Variants in PCDH9 observed in about 807,000 individuals in gnomAD.
PCDH9 encodes the protein protocadherin-9.
A neutral mutation model predicts 70.6 loss-of-function variants in PCDH9; 24 were observed. The ratio of observed to expected loss-of-function variants is 0.34; its 90% CI spans 0.25 to 0.48. PCDH9 has a LOEUF of 0.48. PCDH9 is among the 20% of genes least tolerant of loss of function. PCDH9 has a pLI of 0.99. For missense variants in PCDH9, 1,281 were observed against 1,503.6 expected, an observed-to-expected ratio of 0.85 and a Z score of 2.45; for synonymous variants, 562 against 558.5, an observed-to-expected ratio of 1.01 and a Z score of -0.09.
chr13:66,693,538 T>C (rs2078517518), intron 3 of PCDH9, among the ~76,000 whole-genome samples: 1 of 152,166 alleles, frequency 6.6e-6, no homozygotes, highest in Non-Finnish European at 1.5e-5. Context: ...TTTTTAAAAA[T>C]TAAAATGCCA....
chr13:67,172,770 C>A (rs908194561), intron 2 of PCDH9, among the ~76,000 whole-genome samples: 2 of 149,436 alleles, frequency 1.3e-5, no homozygotes, highest in Admixed American at 6.8e-5. Flanking sequence ...CCCAGCTACT[C>A]GAGGGGCTGA....
intron 4 of PCDH9, among the ~76,000 whole-genome samples, chr13:66,609,878 A>G (rs1034265810): frequency 1.3e-5 from 2 of 151,772 alleles, no homozygotes; most frequent in African/African-American, 4.8e-5. Context: ...ATCAACTCAA[A>G]TTTGATTAGA....
intron 3 of PCDH9, among the ~76,000 whole-genome samples, chr13:66,688,897 A>T (rs2078443084): frequency 6.6e-6 from 1 of 152,180 alleles, no homozygotes; most frequent in Admixed American, 6.6e-5. Context: ...ATATGAAATC[A>T]TTAATGTGCT....
chr13:66,537,482 C>T (rs1960758126), intron 4 of PCDH9, among the ~76,000 whole-genome samples: 1 of 151,964 alleles, frequency 6.6e-6, no homozygotes, highest in Non-Finnish European at 1.5e-5. Context: ...AGAAAACCTC[C>T]ACAAAATGAA....
intron 2 of PCDH9, among the ~76,000 whole-genome samples, chr13:66,919,370 A>C (rs2139639446): frequency 6.6e-6 from 1 of 151,394 alleles, no homozygotes; most frequent in African/African-American, 2.4e-5. Flanking sequence ...TCCCCTTGGC[A>C]TCTGAAGCAA....
At chr13:67,052,340 A>C (rs545446848) in intron 2 of PCDH9, among the ~76,000 whole-genome samples, 1 of 152,190 alleles carries the variant, frequency 6.6e-6, no homozygotes, top group South Asian at 2.1e-4. Flanking sequence ...GATTTCAGGC[A>C]GTGGAAAAGT....
intron 4 of PCDH9, among the ~76,000 whole-genome samples, chr13:66,574,239 G>C (rs147597771): frequency 6.6e-6 from 1 of 152,120 alleles, no homozygotes; most frequent in Non-Finnish European, 1.5e-5. Flanking sequence ...TTGTTCTCTG[G>C]TCAATTTATT....
Position 66,464,312 on chromosome 13 carries a change from T to C in PCDH9, c.3341-159284A>G, listed in dbSNP as rs560622593. Among the ~76,000 whole-genome samples the C allele has an allele frequency of 3.9e-4, 59 of 151,860 alleles. 1 individual carries two copies. The highest frequency in any genetic ancestry group is 1.4e-3 in the African/African-American group (59 of 41,490). ...CCCCTCTCAGTGTAACCGGAATGTCTATCAAAACCAGAAAACGGAAGGCTT... is the reference window on the plus strand; with the variant it reads ...CCCCTCTCAGTGTAACCGGAATGTCCATCAAAACCAGAAAACGGAAGGCTT... On this transcript the variant is annotated intron_variant, in intron 4 of 4. Transcript: ENST00000377865.
At chr13:66,508,747 T>A (rs1235272294) in intron 4 of PCDH9, among the ~76,000 whole-genome samples, 1 of 152,212 alleles carries the variant, frequency 6.6e-6, no homozygotes, top group Non-Finnish European at 1.5e-5. Context: ...TTGCACAGTA[T>A]GACAGGCTGA....
chr13:66,639,413 C>T (rs1387121503), intron 3 of PCDH9, among the ~76,000 whole-genome samples: 3 of 152,076 alleles, frequency 2.0e-5, no homozygotes, highest in Non-Finnish European at 4.4e-5. Flanking sequence ...GCATCAAATA[C>T]CTCTTAGGAC....
At chr13:66,881,796 A>T (rs2081925670) in intron 3 of PCDH9, among the ~76,000 whole-genome samples, 1 of 152,182 alleles carries the variant, frequency 6.6e-6, no homozygotes, top group Admixed American at 6.5e-5. Flanking sequence ...TAACCATAGA[A>T]ATGGGACAAA....
In PCDH9 at chr13:67,148,507, T is replaced by A. The variant is rs796772318; in HGVS notation, c.3036+76898A>T. On this transcript the variant is annotated intron_variant, in intron 2 of 4. Transcript: ENST00000377865. ...TTCTTGTTATATGCAATAACCAGCA[T>A]TTGGTTAGAACACCCGTGCAAGTTT... 2.0e-5 allele frequency among the ~76,000 whole-genome samples: 3 copies of A among 152,236 alleles called. No individual in the cohort carries two copies. In the East Asian group the frequency reaches 5.8e-4, roughly 29 times the overall value.
intron 3 of PCDH9, among the ~76,000 whole-genome samples, chr13:66,809,481 A>G (rs1044877987): frequency 4.6e-5 from 7 of 152,326 alleles, no homozygotes; most frequent in Admixed American, 4.6e-4. Context: ...ATCTGTAGTC[A>G]AAGTACGAAA....
intron 3 of PCDH9, among the ~76,000 whole-genome samples, chr13:66,699,943 A>G (rs2078615315): frequency 6.6e-6 from 1 of 151,986 alleles, no homozygotes; most frequent in Admixed American, 6.6e-5. Context: ...TTAAGGAACC[A>G]TACTATGTAG....
intron 4 of PCDH9, among the ~76,000 whole-genome samples, chr13:66,320,956 G>C (rs899215053): frequency 8.6e-5 from 13 of 152,014 alleles, no homozygotes; most frequent in Admixed American, 2.0e-4. Context: ...TTTCCTTTCG[G>C]AGTGTTTTTC....
Position 66,373,228 on chromosome 13 carries a change from A to G in PCDH9, c.3341-68200T>C, listed in dbSNP as rs569970077. On this transcript the variant is annotated intron_variant, in intron 4 of 4. Coordinates refer to ENST00000377865, the MANE Select transcript of PCDH9 (RefSeq NM_203487.3). ...GACGTTATGCCAGATGAAATAAGAC[A>G]CAAAAAGACAAATACCAAGTGATTT... 4.7e-4 allele frequency among the ~76,000 whole-genome samples: 71 copies of G among 152,138 alleles called. 1 individual carries two copies. The highest frequency in any genetic ancestry group is 1.6e-3 in the African/African-American group (65 of 41,568).
At chr13:66,571,908 T>C (rs1190842516) in intron 4 of PCDH9, among the ~76,000 whole-genome samples, 1 of 152,092 alleles carries the variant, frequency 6.6e-6, no homozygotes, top group African/African-American at 2.4e-5. Context: ...TTTGATTACA[T>C]ATAAAAATCT....
intron 2 of PCDH9, 123 bp from the exon 3 acceptor site, chr13:66,903,728 C>G: frequency 2.2e-6 from 1 of 457,546 alleles, no homozygotes; most frequent in Non-Finnish European, 4.0e-6. Flanking sequence ...GGGTCCACAC[C>G]CAGAGATACA....
In PCDH9 at chr13:67,201,219, G is replaced by A. The variant is rs189228174; in HGVS notation, c.3036+24186C>T. The stretch of plus-strand genomic sequence containing the variant: ...TTTCAAATACATTAGGTATATATCC[G>A]TTTAAATAAATAGTAGAATACTTGA... On this transcript the variant is annotated intron_variant, in intron 2 of 4. Transcript: ENST00000377865. 530 of 151,950 alleles carry A rather than the reference G, an allele frequency of 3.5e-3. 2 individuals carry two copies. Among genetic ancestry groups the A allele is most frequent in the African/African-American group, 0.011 (469 of 41,466 alleles). 9.4% of individuals were successfully genotyped at this position (151,950 alleles called of 1,614,324 possible).
Sources: gnomAD v4.1 joint callset for allele counts (sites outside exome capture counted in the v4.1 genomes callset) on GRCh38, gnomAD v4.1.1 for gene constraint, MANE v1.5 for transcripts, NCBI Gene and HGNC (gene_info 2026-07-23, HGNC 2026-07-21) for gene names.